Variants in WDR7 observed in about 807,000 individuals in gnomAD.
WDR7 encodes WD repeat-containing protein 7.
A neutral mutation model predicts 169.4 loss-of-function variants in WDR7; 46 were observed. The ratio of observed to expected loss-of-function variants is 0.27; its 90% confidence interval spans 0.21 to 0.35. The LOEUF (loss-of-function observed/expected upper bound fraction) is 0.35. WDR7 is among the 10% of genes least tolerant of loss of function. The pLI is 1.00. For synonymous variants in WDR7, 612 were observed against 666.8 expected, an observed-to-expected ratio of 0.92 and a Z score of 1.27; for missense variants, 1,534 against 1,859.3, an observed-to-expected ratio of 0.83 and a Z score of 3.22.
intron 26 of WDR7, among the ~76,000 whole-genome samples, chr18:56,995,619 C>T (rs778814893): frequency 6.6e-6 from 1 of 152,184 alleles, no homozygotes; most frequent in African/African-American, 2.4e-5. Context: ...TCATCCTCCA[C>T]CTCCAGTCAT....
At chr18:56,697,508 A>T (rs2025729804) in intron 12 of WDR7, among the ~76,000 whole-genome samples, 1 of 151,906 alleles carries the variant, frequency 6.6e-6, no homozygotes, top group Non-Finnish European at 1.5e-5. Flanking sequence ...CTTCTTTTTT[A>T]TTCCTTTCTT....
chr18:56,866,649 TATTAA>T (rs1209032400), intron 20 of WDR7, among the ~76,000 whole-genome samples: 1 of 152,174 alleles, frequency 6.6e-6, no homozygotes, highest in Non-Finnish European at 1.5e-5. Flanking sequence ...GATAAGCACA[TATTAA>T]ATTCTTGCTT....
intron 26 of WDR7, among the ~76,000 whole-genome samples, chr18:57,020,323 C>G (rs1159534567): frequency 6.6e-6 from 1 of 152,194 alleles, no homozygotes; most frequent in East Asian, 1.9e-4. Context: ...CCTTCCAGAA[C>G]AGGGATTTTT....
intron 20 of WDR7, among the ~76,000 whole-genome samples, chr18:56,839,576 A>C (rs2045449108): frequency 6.6e-6 from 1 of 152,242 alleles, no homozygotes; most frequent in Non-Finnish European, 1.5e-5. Flanking sequence ...TAGCCAAGCT[A>C]TACTAATCTA....
intron 20 of WDR7, among the ~76,000 whole-genome samples, chr18:56,823,352 C>T (rs113316570): frequency 1.3e-5 from 2 of 152,172 alleles, no homozygotes; most frequent in African/African-American, 2.4e-5. Context: ...CCGAGGCCTG[C>T]GGATCATCTG....
At chr18:56,925,889 C>T (rs571341699) in intron 22 of WDR7, among the ~76,000 whole-genome samples, 77 of 152,184 alleles carry the variant, frequency 5.1e-4, no homozygotes, top group Non-Finnish European at 9.6e-4. Flanking sequence ...CAGCAAATTA[C>T]TTTACCTCTC....
intron 26 of WDR7, among the ~76,000 whole-genome samples, chr18:56,967,501 T>C (rs2047426783): frequency 6.6e-6 from 1 of 152,140 alleles, no homozygotes; most frequent in African/African-American, 2.4e-5. Context: ...CCTGACTCCT[T>C]AGCGGTCCAG....
intron 20 of WDR7, among the ~76,000 whole-genome samples, chr18:56,864,332 C>G (rs1159973408): frequency 1.3e-5 from 2 of 151,554 alleles, no homozygotes; most frequent in African/African-American, 4.8e-5. Flanking sequence ...TGTCATGACT[C>G]TCACTTAGCT....
intron 20 of WDR7, among the ~76,000 whole-genome samples, chr18:56,870,390 C>A (rs1348018036): frequency 6.6e-6 from 1 of 152,010 alleles, no homozygotes; most frequent in Non-Finnish European, 1.5e-5. Flanking sequence ...GAAAACTCCA[C>A]TGAGGGCCAA....
At chr18:56,687,881 GC>G (rs1007499395) in intron 7 of WDR7, among the ~76,000 whole-genome samples, 30 of 152,232 alleles carry the variant, frequency 2.0e-4, no homozygotes, top group African/African-American at 7.2e-4. Flanking sequence ...TCCTGCCTCA[GC>G]CCCCCAAAGT....
intron 12 of WDR7, among the ~76,000 whole-genome samples, chr18:56,705,648 A>T (rs980183801): frequency 3.3e-5 from 5 of 152,182 alleles, no homozygotes; most frequent in Non-Finnish European, 7.3e-5. Context: ...ATAGTACTTG[A>T]TAATACTTGG....
At chr18:57,001,758 AG>A (rs2047983756) in intron 26 of WDR7, among the ~76,000 whole-genome samples, 1 of 152,136 alleles carries the variant, frequency 6.6e-6, no homozygotes, top group Non-Finnish European at 1.5e-5. Flanking sequence ...TGCCTGATTA[AG>A]AATTTTATAT....
intron 13 of WDR7, among the ~76,000 whole-genome samples, chr18:56,725,150 A>G (rs79483592): frequency 1.3e-5 from 2 of 150,698 alleles, no homozygotes; most frequent in Non-Finnish European, 2.9e-5. Flanking sequence ...ATGATTTATA[A>G]TCCTTTGGGT....
intron 1 of WDR7, among the ~76,000 whole-genome samples, chr18:56,671,611 G>A (rs10153376): frequency 0.71 from 108,475 of 152,156 alleles, 43,476 homozygotes; most frequent in East Asian, 0.96. Flanking sequence ...GTGTGAAACA[G>A]GACTGAGTTT....
intron 26 of WDR7, among the ~76,000 whole-genome samples, chr18:57,014,692 A>G (rs2048183326): frequency 6.6e-6 from 1 of 152,154 alleles, no homozygotes; most frequent in Admixed American, 6.5e-5. Flanking sequence ...GAAATTCCAC[A>G]TCATGAGATG....
chr18:56,667,051 T>A (rs1043625066), intron 1 of WDR7, among the ~76,000 whole-genome samples: 1 of 152,124 alleles, frequency 6.6e-6, no homozygotes, highest in African/African-American at 2.4e-5. Context: ...TTCAGAACAG[T>A]TTTGTTGAGG....
chr18:56,830,052 G>C (rs1284508610), intron 20 of WDR7, among the ~76,000 whole-genome samples: 1 of 152,196 alleles, frequency 6.6e-6, no homozygotes, highest in East Asian at 1.9e-4. Flanking sequence ...TTAGTGTACT[G>C]TCCACATATA....
intron 20 of WDR7, among the ~76,000 whole-genome samples, chr18:56,878,711 A>G (rs1041269633): frequency 1.3e-5 from 2 of 152,126 alleles, no homozygotes; most frequent in African/African-American, 4.8e-5. Context: ...CTTATTAGCT[A>G]TTGTTAACCA....
chr18:56,897,055 A>G (rs1402933865), intron 21 of WDR7, among the ~76,000 whole-genome samples: 1 of 151,940 alleles, frequency 6.6e-6, no homozygotes, highest in Non-Finnish European at 1.5e-5. Context: ...TACACTTATG[A>G]AAAGATGCTA....
Sources: gnomAD v4.1 joint callset for allele counts (sites outside exome capture counted in the v4.1 genomes callset) on GRCh38, gnomAD v4.1.1 for gene constraint, MANE v1.5 for transcripts, NCBI Gene and HGNC (gene_info 2026-07-23, HGNC 2026-07-21) for gene names.